ARHGAP24: variants seen among roughly 807,000 people sequenced by gnomAD.
ARHGAP24 encodes the protein Rho GTPase activating protein 24.
A neutral mutation model predicts 76.4 loss-of-function variants in ARHGAP24; 50 were observed. That is an observed-to-expected ratio of 0.65 (90% CI 0.52 to 0.83). ARHGAP24 has a LOEUF of 0.83. ARHGAP24 is among the 40% of genes least tolerant of loss of function. The pLI, the probability that ARHGAP24 is intolerant of heterozygous loss-of-function variation, is 0.00. For synonymous variants in ARHGAP24, 345 were observed against 323.3 expected (o/e 1.07, Z -0.72); for missense variants, 930 against 914.2 (o/e 1.02, Z -0.22).
intron 3 of ARHGAP24, among the ~76,000 whole-genome samples, chr4:85,797,385 G>T (rs1441172406): frequency 6.6e-6 from 1 of 152,156 alleles, no homozygotes; most frequent in African/African-American, 2.4e-5. Context: ...GTGTTAGCCA[G>T]GATGGTCTCA....
At chr4:85,971,536 G>A (rs1020893161) in intron 5 of ARHGAP24, among the ~76,000 whole-genome samples, 9 of 152,012 alleles carry the variant, frequency 5.9e-5, no homozygotes, top group African/African-American at 2.2e-4. Flanking sequence ...AGATATTGTG[G>A]TACAGGCCTA....
intron 1 of ARHGAP24, among the ~76,000 whole-genome samples, chr4:85,546,870 T>G (rs1725939091): frequency 6.6e-6 from 1 of 152,208 alleles, no homozygotes; most frequent in South Asian, 2.1e-4. Flanking sequence ...CACCTTCAAT[T>G]ATTTACATTC....
chr4:85,993,253 T>C (rs1291818969), intron 8 of ARHGAP24, among the ~76,000 whole-genome samples: 1 of 152,172 alleles, frequency 6.6e-6, no homozygotes, highest in Non-Finnish European at 1.5e-5. Context: ...ATTCTATTAT[T>C]GCTGATGTTA....
At chr4:85,569,889 G>A (rs1466073187) in intron 1 of ARHGAP24, among the ~76,000 whole-genome samples, 1 of 152,156 alleles carries the variant, frequency 6.6e-6, no homozygotes, top group Non-Finnish European at 1.5e-5. Flanking sequence ...CTCTTGCTCA[G>A]GTAAACCTAG....
intron 5 of ARHGAP24, among the ~76,000 whole-genome samples, chr4:85,966,391 T>C (rs577260422): frequency 6.6e-6 from 1 of 152,298 alleles, no homozygotes; most frequent in East Asian, 1.9e-4. Context: ...ACTAGTTCAA[T>C]GTAGTCCAGC....
intron 1 of ARHGAP24, among the ~76,000 whole-genome samples, chr4:85,546,615 G>C: frequency 6.6e-6 from 1 of 152,162 alleles, no homozygotes; most frequent in South Asian, 2.1e-4. Flanking sequence ...AAAATTCAAT[G>C]ACTTTCTCAA....
At chr4:85,663,121 T>C (rs1004399954) in intron 2 of ARHGAP24, among the ~76,000 whole-genome samples, 4 of 151,856 alleles carry the variant, frequency 2.6e-5, no homozygotes, top group African/African-American at 7.3e-5. Flanking sequence ...TGTGGCCATT[T>C]TCACGATATT....
In ARHGAP24 at chr4:85,745,495, G is replaced by A. The variant is rs1004946018; in HGVS notation, c.268+23523G>A. Among the ~76,000 whole-genome samples the A allele has an allele frequency of 5.4e-5, 8 of 148,884 alleles. No homozygotes were observed. The South Asian group carries it at 1.7e-3, about 31-fold the overall frequency. ...GTTCTCAGTTACTCAGGAGTCTGAGGCAAGAGGATCCCTTCACTCCAGGAG... is the reference window on the plus strand; with the variant it reads ...GTTCTCAGTTACTCAGGAGTCTGAGACAAGAGGATCCCTTCACTCCAGGAG... On this transcript the variant is annotated intron_variant, in intron 3 of 9. Transcript: ENST00000395184.
chr4:85,511,733 G>T (rs1724291556), intron 1 of ARHGAP24, among the ~76,000 whole-genome samples: 1 of 152,162 alleles, frequency 6.6e-6, no homozygotes, highest in Non-Finnish European at 1.5e-5. Flanking sequence ...CCAAAGTGCT[G>T]GGATTACAGG....
At chr4:85,888,891 T>G (rs1368148983) in intron 3 of ARHGAP24, among the ~76,000 whole-genome samples, 1 of 152,194 alleles carries the variant, frequency 6.6e-6, no homozygotes, top group Non-Finnish European at 1.5e-5. Context: ...TTTTCTGTTC[T>G]CATGTTAGTT....
chr4:85,565,013 A>T (rs1726782327), intron 1 of ARHGAP24, among the ~76,000 whole-genome samples: 1 of 146,098 alleles, frequency 6.8e-6, no homozygotes, highest in African/African-American at 2.5e-5. Flanking sequence ...ACCCATACAC[A>T]TATGTGCACT....
intron 8 of ARHGAP24, among the ~76,000 whole-genome samples, chr4:85,977,968 G>GA (rs1196440116): frequency 1.3e-5 from 2 of 151,918 alleles, no homozygotes; most frequent in African/African-American, 4.8e-5. Flanking sequence ...TTCAAGAACT[G>GA]AAAAAAACTA....
At chr4:85,643,290 C>T (rs1406677501) in intron 2 of ARHGAP24, among the ~76,000 whole-genome samples, 1 of 56,804 alleles carries the variant, frequency 1.8e-5, no homozygotes, top group Non-Finnish European at 3.3e-5. Context: ...CTCGCTCTGT[C>T]GCCCAGGCTG....
At chr4:85,624,832 T>G (rs1720876605) in intron 2 of ARHGAP24, among the ~76,000 whole-genome samples, 1 of 152,238 alleles carries the variant, frequency 6.6e-6, no homozygotes, top group Non-Finnish European at 1.5e-5. Context: ...ATTTATCCAT[T>G]TCTTCTAGAT....
intron 1 of ARHGAP24, among the ~76,000 whole-genome samples, chr4:85,527,401 G>T (rs556697197): frequency 3.9e-5 from 6 of 152,130 alleles, no homozygotes; most frequent in African/African-American, 1.4e-4. Flanking sequence ...TATTTCAGAA[G>T]ATAGGCATGC....
intron 1 of ARHGAP24, among the ~76,000 whole-genome samples, chr4:85,553,745 T>C (rs774963118): frequency 1.1e-4 from 16 of 152,288 alleles, no homozygotes; most frequent in Middle Eastern, 6.8e-3. Context: ...CAGCATACCA[T>C]TGGGTCTTGC....
intron 1 of ARHGAP24, among the ~76,000 whole-genome samples, chr4:85,542,855 G>A (rs1725756598): frequency 6.6e-6 from 1 of 152,138 alleles, no homozygotes; most frequent in African/African-American, 2.4e-5. Context: ...ACTTGCATGA[G>A]TTACTTAGTT....
chr4:85,832,363 G>C (rs1730037794), intron 3 of ARHGAP24, among the ~76,000 whole-genome samples: 1 of 152,094 alleles, frequency 6.6e-6, no homozygotes, highest in African/African-American at 2.4e-5. Context: ...TGGATTCGTT[G>C]GTTTGCATGT....
intron 3 of ARHGAP24, among the ~76,000 whole-genome samples, chr4:85,855,482 G>A (rs1359559026): frequency 6.6e-6 from 1 of 152,150 alleles, no homozygotes; most frequent in African/African-American, 2.4e-5. Context: ...TGAGGTGGGT[G>A]GATCACCTGA....
Sources: gnomAD v4.1 joint callset for allele counts (sites outside exome capture counted in the v4.1 genomes callset) on GRCh38, gnomAD v4.1.1 for gene constraint, MANE v1.5 for transcripts, NCBI Gene and HGNC (gene_info 2026-07-23, HGNC 2026-07-21) for gene names.